NELL1: variants seen among roughly 807,000 people sequenced by gnomAD.
NELL1 encodes neural EGFL like 1.
A neutral mutation model predicts 107.4 loss-of-function variants in NELL1; 76 were observed. That is an observed-to-expected ratio of 0.71 (90% CI 0.59 to 0.86). The LOEUF is 0.86. Among genes scored for constraint, NELL1 ranks in the 40% least tolerant of loss-of-function variants. The pLI is 0.00. For synonymous variants in NELL1, 353 were observed against 341.2 expected (o/e 1.03, Z -0.38); for missense variants, 1,024 against 1,005.5 (o/e 1.02, Z -0.25).
intron 12 of NELL1, among the ~76,000 whole-genome samples, chr11:21,025,192 G>T (rs986452210): frequency 2.6e-5 from 4 of 152,014 alleles, no homozygotes; most frequent in African/African-American, 9.7e-5. Flanking sequence ...CATTACAGGT[G>T]CTCAAAAAGT....
chr11:21,152,642 G>A (rs531601424), intron 13 of NELL1, among the ~76,000 whole-genome samples: 1 of 152,204 alleles, frequency 6.6e-6, no homozygotes, highest in South Asian at 2.1e-4. Context: ...ATCATACTCA[G>A]CTCTTGTCTC....
At chr11:21,006,973 A>G (rs561352983) in intron 12 of NELL1, among the ~76,000 whole-genome samples, 1 of 152,224 alleles carries the variant, frequency 6.6e-6, no homozygotes, top group South Asian at 2.1e-4. Context: ...ATGGATATCT[A>G]CCTGTTGGAG....
chr11:20,694,354 G>C (rs1368818593), intron 2 of NELL1, among the ~76,000 whole-genome samples: 1 of 152,040 alleles, frequency 6.6e-6, no homozygotes, highest in Non-Finnish European at 1.5e-5. Context: ...CTGTTGTCCA[G>C]AATGGTATTT....
intron 2 of NELL1, among the ~76,000 whole-genome samples, chr11:20,702,418 A>G (rs575373679): frequency 1.5e-4 from 23 of 152,220 alleles, no homozygotes; most frequent in African/African-American, 4.6e-4. Context: ...GGCTGAGACA[A>G]TGGGGTTTTC....
rs114041011 is a variant in NELL1, at chr11:20,985,064, G to T, written c.1300+24504G>T. Among the ~76,000 whole-genome samples the T allele has an allele frequency of 6.2e-3, 948 of 152,180 alleles. 13 individuals carry two copies. The highest frequency in any genetic ancestry group is 0.021 in the African/African-American group (884 of 41,538). On this transcript the variant is annotated intron_variant, in intron 12 of 19. Coordinates refer to ENST00000357134, the MANE Select transcript of NELL1 (RefSeq NM_006157.5). ...AATTTTTTTGGATGTGATTCACCTG[G>T]TCAACTTACAGAATGATTAAACTGG...
At chr11:21,510,667 C>T (rs1177971917) in intron 15 of NELL1, among the ~76,000 whole-genome samples, 2 of 152,070 alleles carry the variant, frequency 1.3e-5, no homozygotes, top group African/African-American at 4.8e-5. Context: ...ACTGAGGTCC[C>T]TTTTTTCCCA....
intron 14 of NELL1, among the ~76,000 whole-genome samples, chr11:21,309,279 T>C (rs1849682361): frequency 6.0e-5 from 1 of 16,562 alleles, no homozygotes; most frequent in South Asian, 1.6e-3. Flanking sequence ...TATATATATA[T>C]GTATATATAT....
At chr11:21,156,007 T>A (rs1279529599) in intron 13 of NELL1, among the ~76,000 whole-genome samples, 1 of 152,086 alleles carries the variant, frequency 6.6e-6, no homozygotes, top group African/African-American at 2.4e-5. Context: ...CTAGGAGTCA[T>A]AATGAAGTAG....
chr11:20,706,838 A>T (rs1319813249), intron 2 of NELL1, among the ~76,000 whole-genome samples: 3 of 152,250 alleles, frequency 2.0e-5, no homozygotes, highest in East Asian at 3.9e-4. Flanking sequence ...CCTTTGGTGA[A>T]TCTGACAATT....
At chr11:21,317,993 A>G (rs1849918438) in intron 14 of NELL1, among the ~76,000 whole-genome samples, 1 of 152,162 alleles carries the variant, frequency 6.6e-6, no homozygotes, top group Admixed American at 6.6e-5. Context: ...ATGGGGTAAG[A>G]CATGGTGCCT....
At chr11:20,860,916 T>C (rs182552418) in intron 4 of NELL1, among the ~76,000 whole-genome samples, 5 of 151,834 alleles carry the variant, frequency 3.3e-5, no homozygotes, top group Admixed American at 3.3e-4. Flanking sequence ...ACAAACAGAG[T>C]TGGGTACTTG....
chr11:21,232,956 C>T (rs1463502407), intron 14 of NELL1, among the ~76,000 whole-genome samples: 2 of 152,176 alleles, frequency 1.3e-5, no homozygotes, highest in Non-Finnish European at 2.9e-5. Context: ...CTCAGCAGAA[C>T]TAAGTCTTTT....
intron 15 of NELL1, among the ~76,000 whole-genome samples, chr11:21,454,373 A>G (rs1487516945): frequency 1.3e-5 from 2 of 151,890 alleles, no homozygotes; most frequent in East Asian, 1.9e-4. Context: ...ATTGTGAATA[A>G]TGCCGCAATA....
At position 20,763,136 on chromosome 11, in the gene NELL1, C is replaced by T. The variant is rs1326373946; in HGVS notation, c.185-20544C>T. Among the ~76,000 whole-genome samples, 3 of 152,206 alleles carry T rather than the reference C, an allele frequency of 2.0e-5. No individual in the cohort carries two copies. The East Asian group carries it at 5.8e-4, about 29-fold the overall frequency. ...ACCCACACCATCCATATGCTCATGG[C>T]CTCTCTCCTCCCTGGGGATTCGGCG... is the stretch of plus-strand genomic sequence containing the variant. On this transcript the variant is annotated intron_variant, in intron 2 of 19. Coordinates refer to ENST00000357134, the MANE Select transcript of NELL1 (RefSeq NM_006157.5).
chr11:21,398,853 C>T (rs574717732), intron 15 of NELL1, among the ~76,000 whole-genome samples: 44 of 151,852 alleles, frequency 2.9e-4, no homozygotes, highest in South Asian at 6.2e-4. Context: ...CCCTATTTCT[C>T]TTTGCTTCCA....
chr11:20,757,372 C>T (rs1856320785), intron 2 of NELL1, among the ~76,000 whole-genome samples: 1 of 152,154 alleles, frequency 6.6e-6, no homozygotes, highest in Non-Finnish European at 1.5e-5. Context: ...TAATCCCCCA[C>T]CTTGGGTAAA....
intron 2 of NELL1, among the ~76,000 whole-genome samples, chr11:20,724,330 T>C (rs908882981): frequency 9.2e-5 from 14 of 152,232 alleles, no homozygotes; most frequent in Admixed American, 6.5e-4. Flanking sequence ...TCCAAACTTA[T>C]ATAGTCTGCT....
intron 9 of NELL1, among the ~76,000 whole-genome samples, chr11:20,937,213 C>A (rs144426344): frequency 0.019 from 2,848 of 152,330 alleles, 39 homozygotes; most frequent in Non-Finnish European, 0.029. Flanking sequence ...CCCTTCCTGG[C>A]AGCCTTTTGA....
At chr11:21,358,048 C>A (rs1244987598) in intron 14 of NELL1, among the ~76,000 whole-genome samples, 2 of 152,116 alleles carry the variant, frequency 1.3e-5, no homozygotes. Flanking sequence ...ATAACTATAG[C>A]CTTGTAGCAT....
Sources: gnomAD v4.1 joint callset for allele counts (sites outside exome capture counted in the v4.1 genomes callset) on GRCh38, gnomAD v4.1.1 for gene constraint, MANE v1.5 for transcripts, NCBI Gene and HGNC (gene_info 2026-07-23, HGNC 2026-07-21) for gene names.